MXD1: variants seen among roughly 807,000 people sequenced by gnomAD.
The protein encoded by MXD1 is MAX dimerization protein 1.
Under a neutral mutation model 25.7 loss-of-function variants are expected in MXD1, and 9 were observed. The ratio of observed to expected loss-of-function variants is 0.35; its 90% CI spans 0.21 to 0.61. MXD1 has a LOEUF of 0.61. Among genes scored for constraint, MXD1 ranks in the 20% least tolerant of loss-of-function variants. The pLI, the probability that MXD1 is intolerant of heterozygous loss-of-function variation, is 0.75. For missense variants in MXD1, 227 were observed against 292.4 expected (o/e 0.78, Z 1.63); for synonymous variants, 99 against 113.9 (o/e 0.87, Z 0.83).
At chr2:69,936,502 T>A (rs904802929) in intron 4 of MXD1, among the ~76,000 whole-genome samples, 1 of 152,192 alleles carries the variant, frequency 6.6e-6, no homozygotes, top group Non-Finnish European at 1.5e-5. Flanking sequence ...GTTTGTATAA[T>A]CATATTATAG....
chr2:69,916,961 A>C (rs1316077933), intron 2 of MXD1, among the ~76,000 whole-genome samples: 1 of 152,218 alleles, frequency 6.6e-6, no homozygotes, highest in African/African-American at 2.4e-5. Context: ...TAGTCCATCA[A>C]TGTTGCTGCC....
At chr2:69,925,782 TA>T (rs1677158203) in intron 3 of MXD1, among the ~76,000 whole-genome samples, 1 of 152,188 alleles carries the variant, frequency 6.6e-6, no homozygotes, top group Non-Finnish European at 1.5e-5. Flanking sequence ...TCCAACATCA[TA>T]ATTATTTCCT....
intron 2 of MXD1, among the ~76,000 whole-genome samples, chr2:69,919,032 A>G (rs1677012000): frequency 6.6e-6 from 1 of 152,358 alleles, no homozygotes; most frequent in Non-Finnish European, 1.5e-5. Flanking sequence ...TTAACACTCG[A>G]GTAATCAAAT....
chr2:69,922,957 C>T (rs1388969199), intron 3 of MXD1, among the ~76,000 whole-genome samples: 3 of 148,358 alleles, frequency 2.0e-5, no homozygotes, highest in African/African-American at 7.4e-5. Context: ...TAATTATCAA[C>T]ATTTTGCCAG....
intron 4 of MXD1, among the ~76,000 whole-genome samples, chr2:69,935,706 C>T (rs937015435): frequency 1.3e-5 from 2 of 152,152 alleles, no homozygotes; most frequent in Non-Finnish European, 2.9e-5. Flanking sequence ...TTCAGGAGTC[C>T]GTGATAGCTC....
intron 3 of MXD1, among the ~76,000 whole-genome samples, chr2:69,926,921 G>A (rs539836113): frequency 1.3e-4 from 20 of 152,284 alleles, no homozygotes; most frequent in Non-Finnish European, 1.2e-4. Context: ...TTTAATAGTA[G>A]ACATCCATTT....
intron 3 of MXD1, among the ~76,000 whole-genome samples, chr2:69,923,040 C>CAAAAAAAAAAA (rs149259918): frequency 1.5e-5 from 2 of 129,950 alleles, no homozygotes; most frequent in Non-Finnish European, 1.7e-5. Flanking sequence ...TAGTAAACAC[C>CAAAAAAAAAAA]AAAAAAAAAA....
chr2:69,937,614 GTTTGT>G (rs751135874), intron 5 of MXD1, among the ~76,000 whole-genome samples: 2 of 152,148 alleles, frequency 1.3e-5, no homozygotes, highest in Non-Finnish European at 2.9e-5. Flanking sequence ...TTTCAGCCTA[GTTTGT>G]TTTGTTTTGT....
At position 69,938,269 on chromosome 2, in the gene MXD1, G is replaced by A. The variant is rs12997754; in HGVS notation, c.651G>A (p.Ala217=). Reference sequence around the variant, plus strand: ...TAAAGCTGCAGGACAGTCACAAGGCGTGTCTTGGTCTCTAAGAGAGTGGGC... The same window carrying A: ...TAAAGCTGCAGGACAGTCACAAGGCATGTCTTGGTCTCTAAGAGAGTGGGC... ...KRIKLQDSHK[A]CLGL is the part of the protein sequence containing the mutation. The change falls in exon 6 of 6, where the codon GCG becomes GCA. Residue 217 remains alanine (A), a synonymous_variant. Coordinates refer to ENST00000264444, the MANE Select transcript of MXD1 (RefSeq NM_002357.4). 6.7e-5 allele frequency: 108 copies of A among 1,614,120 alleles called. No individual in the cohort carries two copies. Among genetic ancestry groups the A allele is most frequent in the Admixed American group, 1.5e-4 (9 of 60,026 alleles).
chr2:69,937,480 T>G (rs1412593371), intron 5 of MXD1, 86 bp downstream of exon 5: 4 of 1,326,622 alleles, frequency 3.0e-6, no homozygotes, highest in Non-Finnish European at 4.1e-6. Context: ...GGAGGCAGAG[T>G]GTAAGAAGAA....
intron 3 of MXD1, 149 bp from the exon 4 acceptor site, chr2:69,935,202 C>T (rs1677394410): frequency 1.6e-6 from 1 of 627,474 alleles, no homozygotes; most frequent in Non-Finnish European, 2.9e-6. Flanking sequence ...TTGTCTGGTT[C>T]AAAATATGTT....
Position 69,915,543 on chromosome 2 carries a change from C to A in MXD1, c.73+140C>A. On this transcript the variant is annotated intron_variant, in intron 1 of 5. Transcript: ENST00000264444. The surrounding 1 kb of genome is among the most constrained non-coding windows in gnomAD (Gnocchi z 5.8). Reference sequence around the variant, plus strand: ...GCGCTCCCAACCCCTCTGGCTCTCCCCACGCGCGGTCCGAAGGGAAGCCGC... The same window carrying A: ...GCGCTCCCAACCCCTCTGGCTCTCCACACGCGCGGTCCGAAGGGAAGCCGC... 1 of 608,412 alleles carries A rather than the reference C, an allele frequency of 1.6e-6. No homozygotes were observed. Among genetic ancestry groups the A allele is most frequent in the South Asian group, 7.4e-5 (1 of 13,588 alleles). The allele number at this position is 608,412 out of a possible 1,614,324, so 37.7% of individuals were successfully genotyped here. A position where few individuals can be genotyped will look rare whatever the true frequency, so the allele number is the denominator to read the frequency against.
Position 69,921,776 on chromosome 2 carries a change from G to A in MXD1, c.203+11G>A. ...AATGGAGAAGAATAGGTGAGTTGGG[G>A]ATTTGGGAGGTGGAATGCGGGGAGC... On this transcript the variant is annotated intron_variant, in intron 3 of 5. Transcript: ENST00000264444. 1.2e-6 allele frequency: 2 copies of A among 1,610,746 alleles called. No individual in the cohort carries two copies. The highest frequency in any genetic ancestry group is 1.1e-5 in the South Asian group (1 of 90,546).
intron 3 of MXD1, among the ~76,000 whole-genome samples, chr2:69,930,632 G>A (rs959299276): frequency 1.3e-5 from 2 of 152,202 alleles, no homozygotes; most frequent in Admixed American, 6.5e-5. Context: ...GACAAAAGAT[G>A]TCCATTTTCT....
intron 2 of MXD1, among the ~76,000 whole-genome samples, chr2:69,921,430 T>C (rs1677061864): frequency 6.6e-6 from 1 of 152,360 alleles, no homozygotes; most frequent in Admixed American, 6.5e-5. Flanking sequence ...AAATTCACAT[T>C]GCATCGTGCA....
In MXD1 at chr2:69,935,225, G is replaced by C. The variant is rs1677395036; in HGVS notation, c.204-126G>C. 1.5e-5 allele frequency: 10 copies of C among 673,878 alleles called. No individual in the cohort carries two copies. In the South Asian group the frequency reaches 1.7e-4, roughly 11 times the overall value. The allele number at this position is 673,878 out of a possible 1,614,324, so 41.7% of individuals were successfully genotyped here. On this transcript the variant is annotated intron_variant, in intron 3 of 5. Coordinates refer to ENST00000264444, the MANE Select transcript of MXD1 (RefSeq NM_002357.4). ...TTCAAAATATGTTTATTCAGCAAAA[G>C]GTCATTGGTAGCATTTGCCATCGCA...
chr2:69,934,366 A>G (rs1224583918), intron 3 of MXD1, among the ~76,000 whole-genome samples: 1 of 152,194 alleles, frequency 6.6e-6, no homozygotes. Context: ...ATAAAGCACA[A>G]ACCATTTCAA....
At chr2:69,925,248 ATG>A (rs59577798) in intron 3 of MXD1, among the ~76,000 whole-genome samples, 21 of 149,414 alleles carry the variant, frequency 1.4e-4, no homozygotes, top group Admixed American at 2.7e-4. Context: ...AGGGTGGGGT[ATG>A]TGTGTGTGTG....
intron 2 of MXD1, among the ~76,000 whole-genome samples, chr2:69,917,929 TAGTG>T (rs1222576364): frequency 6.6e-6 from 1 of 152,086 alleles, no homozygotes; most frequent in Non-Finnish European, 1.5e-5. Context: ...ACCTGACTGA[TAGTG>T]AGTTAGTGTA....
Sources: allele counts gnomAD v4.1 joint callset (sites outside exome capture counted in the v4.1 genomes callset), GRCh38; gene constraint gnomAD v4.1.1; non-coding constraint Gnocchi (gnomAD v3.1); transcripts MANE v1.5; gene names NCBI Gene and HGNC (gene_info 2026-07-23, HGNC 2026-07-21).